MAK: variants seen among roughly 807,000 people sequenced by gnomAD.
The protein encoded by MAK is male germ cell associated kinase, also known as serine/threonine-protein kinase MAK.
Under a neutral mutation model 82.6 loss-of-function variants are expected in MAK, and 65 were observed. The observed-to-expected ratio is 0.79, with a 90% CI of 0.64 to 0.97. The LOEUF (loss-of-function observed/expected upper bound fraction) is 0.97, where lower values mean the gene tolerates loss of function less well. MAK is among the 50% of genes least tolerant of loss of function. MAK has a pLI of 0.00. For missense variants in MAK, 703 were observed against 780.2 expected, an observed-to-expected ratio of 0.90 and a Z score of 1.18; for synonymous variants, 250 against 274.2, an observed-to-expected ratio of 0.91 and a Z score of 0.87.
intron 1 of MAK, among the ~76,000 whole-genome samples, chr6:10,831,359 C>A (rs1192893975): frequency 6.6e-6 from 1 of 152,186 alleles, no homozygotes; most frequent in Admixed American, 6.5e-5. Context: ...TTTAAAATTT[C>A]ATATTCTATT....
intron 8 of MAK, chr6:10,798,071 A>T: frequency 4.8e-5 from 15 of 313,020 alleles, no homozygotes; most frequent in Non-Finnish European, 5.9e-5. Context: ...AACTTTGAGG[A>T]TGTGTTTTGT....
intron 6 of MAK, among the ~76,000 whole-genome samples, chr6:10,808,046 C>T (rs1389174238): frequency 2.6e-5 from 4 of 151,622 alleles, no homozygotes; most frequent in African/African-American, 7.3e-5. Flanking sequence ...CCAGCCTGGG[C>T]GAGAGAGCGA....
intron 1 of MAK, among the ~76,000 whole-genome samples, chr6:10,835,500 T>C (rs1391611303): frequency 6.6e-6 from 1 of 152,210 alleles, no homozygotes; most frequent in Non-Finnish European, 1.5e-5. Flanking sequence ...CCTCATGTGA[T>C]CCACCTGCCT....
Position 10,773,506 on chromosome 6 carries a change from C to G in MAK, c.1598-398G>C, listed in dbSNP as rs115834781. On this transcript the variant is annotated intron_variant, in intron 12 of 14. Coordinates refer to ENST00000354489, the MANE Select transcript of MAK (RefSeq NM_001242957.3). The stretch of plus-strand genomic sequence containing the variant: ...CATCAGAATATCTCACTAAACTACT[C>G]ACTTATAATGGTAATTGTCAAAGTT... Among the ~76,000 whole-genome samples, 671 of 152,264 alleles carry G rather than the reference C, an allele frequency of 4.4e-3. 7 individuals are homozygous for G. The highest frequency in any genetic ancestry group is 0.016 in the African/African-American group (646 of 41,556).
At chr6:10,817,236 T>C (rs924077755) in intron 4 of MAK, among the ~76,000 whole-genome samples, 4 of 152,034 alleles carry the variant, frequency 2.6e-5, no homozygotes, top group African/African-American at 9.7e-5. Context: ...ATTTCTCACT[T>C]TAAAAGCAGG....
chr6:10,769,916 C>G (rs1200033082), intron 14 of MAK, among the ~76,000 whole-genome samples, 195 bp downstream of exon 14: 2 of 152,116 alleles, frequency 1.3e-5, no homozygotes, highest in Non-Finnish European at 2.9e-5. Flanking sequence ...AGTGGTAGCT[C>G]TTATAATTAT....
intron 7 of MAK, among the ~76,000 whole-genome samples, chr6:10,803,071 G>A (rs1776138572): frequency 2.0e-5 from 3 of 152,168 alleles, no homozygotes; most frequent in Admixed American, 6.6e-5. Context: ...AGAATGAGCA[G>A]GAAAGAGCTC....
intron 14 of MAK, 120 bp from the exon 15 acceptor site, chr6:10,764,726 C>T (rs958452088): frequency 3.0e-6 from 3 of 1,001,356 alleles, no homozygotes; most frequent in South Asian, 2.6e-5. Context: ...AAGATTAACT[C>T]AGTACTCTCT....
At chr6:10,769,669 T>G (rs1332296661) in intron 14 of MAK, among the ~76,000 whole-genome samples, 1 of 152,244 alleles carries the variant, frequency 6.6e-6, no homozygotes, top group Non-Finnish European at 1.5e-5. Flanking sequence ...CAGAGGGCTC[T>G]GGAAAAGGCA....
chr6:10,771,755 C>T (rs1181933622), intron 13 of MAK, among the ~76,000 whole-genome samples: 1 of 152,230 alleles, frequency 6.6e-6, no homozygotes, highest in African/African-American at 2.4e-5. Context: ...AGCACATGCT[C>T]TCAGTCTATA....
intron 2 of MAK, among the ~76,000 whole-genome samples, chr6:10,823,863 C>T (rs1002292890): frequency 3.3e-5 from 5 of 152,006 alleles, no homozygotes; most frequent in Admixed American, 2.0e-4. Flanking sequence ...GGAAAAGTAT[C>T]GATGGATCTT....
chr6:10,765,440 ATTTTTTTTTTTTTTTTTTTTT>A (rs200536068), intron 14 of MAK, among the ~76,000 whole-genome samples: 2 of 130,616 alleles, frequency 1.5e-5, no homozygotes, highest in African/African-American at 6.7e-5. Context: ...TAGAATGAAG[ATTTTTTTTTTTTTTTTTTTTT>A]TTTTTTTTTT....
rs1581624122 is a variant in MAK, at chr6:10,764,305, G to A, written c.*147C>T. The stretch of plus-strand genomic sequence containing the variant: ...GCATTTCTTGGAAATAAGTAAAATA[G>A]GGGATGATTTTTGCCCTTCCAAGTA... On this transcript the variant is annotated 3_prime_UTR_variant, in exon 15 of 15. Transcript: ENST00000354489. 1 of 724,528 alleles carries A rather than the reference G, an allele frequency of 1.4e-6. No individual in the cohort carries two copies. The highest frequency in any genetic ancestry group is 2.3e-6 in the Non-Finnish European group (1 of 441,538). 44.9% of individuals were successfully genotyped at this position (724,528 alleles called of 1,614,324 possible). A position where few individuals can be genotyped will look rare whatever the true frequency, so the allele number is the denominator to read the frequency against.
At chr6:10,818,511 A>C (rs763371553) in intron 3 of MAK, among the ~76,000 whole-genome samples, 2 of 151,780 alleles carry the variant, frequency 1.3e-5, no homozygotes, top group African/African-American at 4.8e-5. Flanking sequence ...CTACTCGGGA[A>C]GCTGAAGCAG....
intron 2 of MAK, among the ~76,000 whole-genome samples, chr6:10,819,229 C>A (rs996955022): frequency 1.3e-5 from 2 of 152,148 alleles, no homozygotes; most frequent in East Asian, 1.9e-4. Context: ...TTAAAGGGTC[C>A]TTTTCAAGAT....
intron 14 of MAK, among the ~76,000 whole-genome samples, chr6:10,767,249 C>A (rs1458995322): frequency 1.3e-5 from 2 of 152,196 alleles, no homozygotes; most frequent in Non-Finnish European, 2.9e-5. Context: ...CACTGTGATA[C>A]AACTTTTAGC....
intron 6 of MAK, among the ~76,000 whole-genome samples, chr6:10,805,373 G>A (rs978030646): frequency 1.1e-4 from 16 of 152,064 alleles, no homozygotes; most frequent in Admixed American, 9.2e-4. Flanking sequence ...GAATCATGAG[G>A]TCAGGAGTTC....
intron 10 of MAK, among the ~76,000 whole-genome samples, chr6:10,787,634 G>A (rs2127537221): frequency 6.6e-6 from 1 of 152,244 alleles, no homozygotes; most frequent in East Asian, 1.9e-4. Context: ...TGAGGCAGGT[G>A]GATCACGAGG....
At chr6:10,805,483 A>C (rs1034745386) in intron 6 of MAK, among the ~76,000 whole-genome samples, 46 of 151,224 alleles carry the variant, frequency 3.0e-4, no homozygotes, top group Non-Finnish European at 2.2e-4. Flanking sequence ...GCTACTCGAG[A>C]GGCTGAGGCA....
Sources: allele counts gnomAD v4.1 joint callset (sites outside exome capture counted in the v4.1 genomes callset), GRCh38; gene constraint gnomAD v4.1.1; transcripts MANE v1.5; gene names NCBI Gene and HGNC (gene_info 2026-07-23, HGNC 2026-07-21).